The following NOXA1 variants were observed in gnomAD, a reference collection of about 807,000 sequenced individuals.
NOXA1 encodes NCF2-like protein.
A neutral mutation model predicts 64.8 loss-of-function variants in NOXA1; 56 were observed. The observed-to-expected ratio is 0.86, with a 90% CI of 0.70 to 1.08. The LOEUF (loss-of-function observed/expected upper bound fraction) is 1.08, where lower values mean the gene tolerates loss of function less well. NOXA1 is among the 50% of genes least tolerant of loss of function. NOXA1 has a pLI of 0.00. For synonymous variants in NOXA1, 295 were observed against 294.8 expected, an observed-to-expected ratio of 1.00 and a Z score of -0.01; for missense variants, 668 against 658.5, an observed-to-expected ratio of 1.01 and a Z score of -0.16.
In NOXA1 at chr9:137,434,396, C is replaced by T. The variant is rs1464781603; in HGVS notation, c.*36C>T. ...TCCATGATGCTTTTAATAAAAACAA[C>T]CCCCACTGCAGTCTCACCCTCCAAG... On this transcript the variant is annotated 3_prime_UTR_variant, in exon 14 of 14. Coordinates refer to ENST00000683555, the MANE Select transcript of NOXA1 (RefSeq NM_001256067.2). 9.1e-6 allele frequency: 14 copies of T among 1,536,124 alleles called. No homozygotes were observed. Among genetic ancestry groups the T allele is most frequent in the Admixed American group, 1.9e-5 (1 of 53,120 alleles).
chr9:137,432,278 T>TAAAAAAAAAAAAAAAAAAA lies in NOXA1; in HGVS notation c.805-751_805-750insAAAAAAAAAAAAAAAAAAA, dbSNP rs1410283327. Among the ~76,000 whole-genome samples the TAAAAAAAAAAAAAAAAAAA allele has an allele frequency of 1.8e-5, 2 of 110,302 alleles. 1 individual carries two copies. 72.4% of individuals were successfully genotyped at this position (110,302 alleles called of 152,430 possible). On this transcript the variant is annotated intron_variant, in intron 8 of 13. Transcript: ENST00000683555. The stretch of plus-strand genomic sequence containing the variant: ...CTGGGCAAGACAGCAAGACCCTGTC[T>TAAAAAAAAAAAAAAAAAAA]CAAAAAAAAAAAAAAAAAAAGCCAG...
Position 137,433,233 on chromosome 9 carries a change from C to G in NOXA1, c.879C>G (p.Pro293=), listed in dbSNP as rs748138426. ...PGLPAMGGPG[P]GPCEDPAGAG... ...TGCCGGCAATGGGGGGGCCTGGCCC[C>G]GGCCCCTGTGAGGACCCCGCGGGTG... The change falls in exon 10 of 14, where the codon CCC becomes CCG. Residue 293 remains proline (P), a synonymous_variant. Transcript: ENST00000683555. The G allele has an allele frequency of 1.9e-6, 3 of 1,602,626 alleles. No homozygotes were observed. Among genetic ancestry groups the G allele is most frequent in the Non-Finnish European group, 2.6e-6 (3 of 1,175,798 alleles).
In NOXA1 at chr9:137,431,728, G is replaced by GC. The variant is rs1340946907; in HGVS notation, c.804+393dup. 6.6e-6 allele frequency among the ~76,000 whole-genome samples: 1 copy of GC among 152,066 alleles called. No homozygotes were observed. Among genetic ancestry groups the GC allele is most frequent in the Non-Finnish European group, 1.5e-5 (1 of 67,974 alleles). On this transcript the variant is annotated intron_variant, in intron 8 of 13. Coordinates refer to ENST00000683555, the MANE Select transcript of NOXA1 (RefSeq NM_001256067.2). This position sits in a 1 kb window ranked among gnomAD's most constrained non-coding sequence, Gnocchi z 5.6. ...GCTCTGGAGGGGCCCCAAGGCTCCC[G>GC]CCCCCCATGGGGGCCCAGCAGCGAC...
intron 2 of NOXA1, among the ~76,000 whole-genome samples, chr9:137,427,456 C>T (rs776547487): frequency 2.0e-5 from 3 of 152,260 alleles, no homozygotes; most frequent in Non-Finnish European, 2.9e-5. Context: ...AGATATTTTA[C>T]CTTTCAGAAA....
Position 137,433,080 on chromosome 9 carries a change from G to A in NOXA1, c.850+6G>A. On this transcript the variant is annotated splice_donor_region_variant and intron_variant, in intron 9 of 13. Transcript: ENST00000683555. ...ACAGGCTCCTCTCTCCCCAGGTATG[G>A]GCGTCCTCAGCGGCGGGGTCCCCGG... 1 of 1,612,852 alleles carries A rather than the reference G, an allele frequency of 6.2e-7. No individual in the cohort carries two copies. The highest frequency in any genetic ancestry group is 1.1e-5 in the South Asian group (1 of 91,084).
At chr9:137,429,137 C>A (rs1838975342) in intron 4 of NOXA1, 121 bp downstream of exon 4, 3 of 1,384,102 alleles carry the variant, frequency 2.2e-6, no homozygotes, top group Non-Finnish European at 2.9e-6. Flanking sequence ...TTTCGGGTGC[C>A]AGGCGGGGGC....
At position 137,429,153 on chromosome 9, in the gene NOXA1, G is replaced by A. The variant is rs532906908; in HGVS notation, c.505-123G>A. On this transcript the variant is annotated intron_variant, in intron 4 of 13. Coordinates refer to ENST00000683555, the MANE Select transcript of NOXA1 (RefSeq NM_001256067.2). Reference sequence around the variant, plus strand: ...TTCGGGTGCCAGGCGGGGGCTTCCTGTGACCTGCGGGAAGGGGGTGGGGGG... The same window carrying A: ...TTCGGGTGCCAGGCGGGGGCTTCCTATGACCTGCGGGAAGGGGGTGGGGGG... 95 of 1,353,290 alleles carry A rather than the reference G, an allele frequency of 7.0e-5. 1 individual carries two copies. The African/African-American group carries it at 1.3e-3, about 19-fold the overall frequency. The allele number at this position is 1,353,290 out of a possible 1,614,324, so 83.8% of individuals were successfully genotyped here. A position where few individuals can be genotyped will look rare whatever the true frequency, so the allele number is the denominator to read the frequency against.
At chr9:137,433,103 C>A in intron 9 of NOXA1, 29 bp downstream of exon 9, 1 of 1,612,358 alleles carries the variant, frequency 6.2e-7, no homozygotes, top group Non-Finnish European at 8.5e-7. Context: ...GCGGGGTCCC[C>A]GGGTGAAGGA....
At chr9:137,426,399 C>G (rs920866532) in intron 2 of NOXA1, 69 bp downstream of exon 2, 3 of 1,200,728 alleles carry the variant, frequency 2.5e-6, no homozygotes, top group Non-Finnish European at 3.7e-6. Flanking sequence ...ACTCCTGCAC[C>G]TCCTCCTCCT....
intron 9 of NOXA1, 27 bp downstream of exon 9, chr9:137,433,101 C>G (rs1281864570): frequency 6.2e-7 from 1 of 1,612,414 alleles, no homozygotes; most frequent in East Asian, 2.2e-5. Flanking sequence ...CGGCGGGGTC[C>G]CCGGGTGAAG....
At chr9:137,428,798 C>T (rs112097199) in intron 3 of NOXA1, 84 bp from the exon 4 acceptor site, 3 of 1,362,456 alleles carry the variant, frequency 2.2e-6, no homozygotes, top group Non-Finnish European at 9.6e-7. Context: ...GGTGGGCAGA[C>T]CGAGGGAGGA....
rs768701953 is a variant in NOXA1, at chr9:137,430,808, G to A, written c.637G>A (p.Asp213Asn). ...GGTGGTGGCCTCTGCCATCCCCGAC[G>A]ACCAGGGCTGGGGCGTCCGCCCTCA... ...AKVVASAIPD[D>N]QGWGVRPQQP... Residue 213 changes from aspartate to asparagine, a missense_variant, in exon 6 of 14, where the codon GAC (aspartate) becomes AAC (asparagine). Transcript: ENST00000683555. 19 of 1,595,342 alleles carry A rather than the reference G, an allele frequency of 1.2e-5. No individual in the cohort carries two copies. The highest frequency in any genetic ancestry group is 1.2e-4 in the Admixed American group (7 of 58,880).
Position 137,428,231 on chromosome 9 carries a change from C to T in NOXA1, c.369+90C>T, listed in dbSNP as rs986770639. The stretch of plus-strand genomic sequence containing the variant: ...CAGGAGGGCCCTGTGGACTGGGGAG[C>T]GCCTCTGGCCGAAGCTCTTGGTGCC... On this transcript the variant is annotated intron_variant, in intron 3 of 13. Coordinates refer to ENST00000683555, the MANE Select transcript of NOXA1 (RefSeq NM_001256067.2). The T allele has an allele frequency of 3.1e-5, 28 of 902,130 alleles. No individual in the cohort carries two copies. In the Middle Eastern group the frequency reaches 1.0e-3, roughly 33 times the overall value. The allele number at this position is 902,130 out of a possible 1,614,324, so 55.9% of individuals were successfully genotyped here.
At chr9:137,425,024 CTT>C (rs1012208080) in intron 1 of NOXA1, among the ~76,000 whole-genome samples, 4 of 152,244 alleles carry the variant, frequency 2.6e-5, no homozygotes, top group Non-Finnish European at 4.4e-5. Flanking sequence ...ACTGCTGTCT[CTT>C]GTTAGGAGCC....
rs550567027 is a variant in NOXA1, at chr9:137,429,325, G to A, written c.554G>A (p.Arg185Gln). Reference sequence around the variant, plus strand: ...CAGGTCCCCAGGGGCGAGGTCTTCCGGCCCCACCGGTGGCACCTGAAGCAC... The same window carrying A: ...CAGGTCCCCAGGGGCGAGGTCTTCCAGCCCCACCGGTGGCACCTGAAGCAC... Reference protein sequence around the residue: ...PRQVPRGEVFRPHRWHLKHLE... With the variant: ...PRQVPRGEVFQPHRWHLKHLE... Residue 185 changes from arginine to glutamine, a missense_variant, in exon 5 of 14, where the codon CGG becomes CAG. Transcript: ENST00000683555. The A allele has an allele frequency of 1.0e-5, 16 of 1,581,654 alleles. No individual in the cohort carries two copies. Among genetic ancestry groups the A allele is most frequent in the African/African-American group, 5.4e-5 (4 of 74,672 alleles).
At chr9:137,429,855 G>A (rs1253682557) in intron 5 of NOXA1, among the ~76,000 whole-genome samples, 25 of 108,900 alleles carry the variant, frequency 2.3e-4, no homozygotes, top group African/African-American at 8.2e-4. Flanking sequence ...GTCCCGGGGG[G>A]GGGGGGTCCC....
Position 137,431,159 on chromosome 9 carries a change from C to T in NOXA1, c.698+59C>T, listed in dbSNP as rs1839091647. 3.7e-6 allele frequency: 6 copies of T among 1,611,182 alleles called. No individual in the cohort carries two copies. The highest frequency in any genetic ancestry group is 5.1e-6 in the Non-Finnish European group (6 of 1,178,894). ...GCCTTTCCTGCTGGGCAGAGGCCCT[C>T]CACATGGGGCCACGCGGGCCGGGCA... On this transcript the variant is annotated intron_variant, in intron 7 of 13. Transcript: ENST00000683555. The surrounding 1 kb of genome is among the most constrained non-coding windows in gnomAD (Gnocchi z 5.6).
intron 1 of NOXA1, among the ~76,000 whole-genome samples, chr9:137,425,723 G>A (rs1256093679): frequency 6.6e-6 from 1 of 151,970 alleles, no homozygotes; most frequent in East Asian, 1.9e-4. Context: ...CTGGGATCTG[G>A]ACTGCGTTAT....
intron 9 of NOXA1, 52 bp downstream of exon 9, chr9:137,433,126 T>C (rs776198130): frequency 4.7e-5 from 75 of 1,610,274 alleles, no homozygotes; most frequent in Admixed American, 2.8e-4. Flanking sequence ...AAGCTGCTGG[T>C]GCATGGGTGC....
Sources: allele counts gnomAD v4.1 joint callset (sites outside exome capture counted in the v4.1 genomes callset), GRCh38; gene constraint gnomAD v4.1.1; non-coding constraint Gnocchi (gnomAD v3.1); transcripts MANE v1.5; gene names NCBI Gene and HGNC (gene_info 2026-07-23, HGNC 2026-07-21).